Variants in INTS3 observed in about 807,000 individuals in gnomAD.
INTS3 encodes the protein integrator complex subunit 3.
In INTS3, 34 loss-of-function variants were observed where a neutral mutation model predicts 146.3. That is an observed-to-expected ratio of 0.23 (90% confidence interval 0.18 to 0.31). INTS3 has a LOEUF of 0.31. Among genes scored for constraint, INTS3 ranks in the 10% least tolerant of loss-of-function variants. The probability of loss-of-function intolerance (pLI) is 1.00; values close to 1 mark genes in which losing one functional copy is unlikely to be tolerated. For synonymous variants in INTS3, 475 were observed against 494.9 expected, an observed-to-expected ratio of 0.96 and a Z score of 0.53; for missense variants, 757 against 1,304.2, an observed-to-expected ratio of 0.58 and a Z score of 6.46.
intron 1 of INTS3, among the ~76,000 whole-genome samples, chr1:153,730,387 C>T (rs1489492055): frequency 6.6e-6 from 1 of 152,166 alleles, no homozygotes; most frequent in Non-Finnish European, 1.5e-5. Flanking sequence ...TGGCCACTGT[C>T]ATTGTCAAAA....
At chr1:153,743,205 G>A (rs940238456) in intron 3 of INTS3, among the ~76,000 whole-genome samples, 4 of 152,200 alleles carry the variant, frequency 2.6e-5, no homozygotes, top group African/African-American at 9.7e-5. Context: ...GATGAGGACT[G>A]ATTGTAATGC....
intron 1 of INTS3, among the ~76,000 whole-genome samples, chr1:153,735,437 A>C (rs1283685955): frequency 1.3e-5 from 2 of 152,082 alleles, no homozygotes; most frequent in African/African-American, 4.8e-5. Flanking sequence ...GCAAGTGTGG[A>C]GGGTTCTTTC....
chr1:153,750,347 C>T (rs1671912289), intron 6 of INTS3, among the ~76,000 whole-genome samples: 1 of 152,230 alleles, frequency 6.6e-6, no homozygotes, highest in African/African-American at 2.4e-5. Context: ...CTCTCTACTC[C>T]TTTTAAAGCA....
At chr1:153,765,597 TCTCA>T (rs1672549079) in intron 20 of INTS3, among the ~76,000 whole-genome samples, 1 of 151,838 alleles carries the variant, frequency 6.6e-6, no homozygotes, top group Non-Finnish European at 1.5e-5. Flanking sequence ...TGAGACAGGG[TCTCA>T]CTCAGTCACC....
intron 1 of INTS3, among the ~76,000 whole-genome samples, chr1:153,731,901 CTTTTTTTTTTTT>C (rs34353204): frequency 1.1e-4 from 7 of 65,282 alleles, no homozygotes; most frequent in East Asian, 5.2e-4. Context: ...CTTTTTTTAA[CTTTTTTTTTTTT>C]TTTTTTTTTT....
chr1:153,746,456 A>G (rs1263122778), intron 3 of INTS3, among the ~76,000 whole-genome samples: 1 of 151,132 alleles, frequency 6.6e-6, no homozygotes, highest in Non-Finnish European at 1.5e-5. Context: ...GCTAGAGTGC[A>G]GTGGCGCGAT....
chr1:153,769,867 G>C (rs139957354), intron 23 of INTS3, 23 bp downstream of exon 23: 1 of 1,519,460 alleles, frequency 6.6e-7, no homozygotes, highest in Non-Finnish European at 9.1e-7. Flanking sequence ...ATCTTTAGGT[G>C]CCTGGGAGAG....
At chr1:153,740,240 C>T (rs1011481327) in intron 1 of INTS3, among the ~76,000 whole-genome samples, 11 of 152,072 alleles carry the variant, frequency 7.2e-5, no homozygotes, top group African/African-American at 2.2e-4. Context: ...GCTGGGATTA[C>T]AGGTATGTGC....
At chr1:153,759,242 A>G (rs1263435182) in intron 10 of INTS3, among the ~76,000 whole-genome samples, 1 of 150,630 alleles carries the variant, frequency 6.6e-6, no homozygotes, top group Non-Finnish European at 1.5e-5. Flanking sequence ...CCACTGCACT[A>G]CAGCCTGGGC....
chr1:153,760,668 C>A, intron 12 of INTS3, 159 bp from the exon 13 acceptor site: 1 of 668,962 alleles, frequency 1.5e-6, no homozygotes, highest in Non-Finnish European at 2.6e-6. Flanking sequence ...AAGAATTTCT[C>A]ATTTGAGTGG....
At chr1:153,735,236 C>T (rs920156553) in intron 1 of INTS3, among the ~76,000 whole-genome samples, 8 of 152,138 alleles carry the variant, frequency 5.3e-5, no homozygotes, top group Non-Finnish European at 5.9e-5. Context: ...CCTCCCAAAG[C>T]GCTGAGATTA....
At chr1:153,764,815 A>G in intron 19 of INTS3, 81 bp downstream of exon 19, 3 of 1,521,918 alleles carry the variant, frequency 2.0e-6, no homozygotes, top group Non-Finnish European at 1.8e-6. Flanking sequence ...TCCTGGGGTA[A>G]TGGGACTCGC....
At chr1:153,760,693 G>A in intron 12 of INTS3, 134 bp from the exon 13 acceptor site, 1 of 759,040 alleles carries the variant, frequency 1.3e-6, no homozygotes, top group African/African-American at 1.7e-5. Flanking sequence ...GAGTGGTCAG[G>A]AAGTCCAGTT....
chr1:153,762,366 C>T (rs1203312070), intron 14 of INTS3, among the ~76,000 whole-genome samples: 1 of 152,200 alleles, frequency 6.6e-6, no homozygotes, highest in African/African-American at 2.4e-5. Context: ...ATTACGTGAA[C>T]CTGGGACGGG....
At chr1:153,752,679 C>T (rs1325869812) in intron 8 of INTS3, among the ~76,000 whole-genome samples, 1 of 152,196 alleles carries the variant, frequency 6.6e-6, no homozygotes. Context: ...AGTCCTCCTC[C>T]CCTCTTCCTG....
Position 153,765,040 on chromosome 1 carries a change from C to T in INTS3, c.2067C>T (p.His689=), listed in dbSNP as rs774419920. The change falls in exon 20 of 30, where the codon CAC becomes CAT. Residue 689 remains histidine (H), a synonymous_variant. Coordinates refer to ENST00000318967, the MANE Select transcript of INTS3 (RefSeq NM_023015.5). ...AGAAGCAGCCCAAGATTGGCTACCA[C>T]CTGCTCTACTACCTGAGGGCCAGGT... ...LYQKQPKIGY[H]LLYYLRASKA... The T allele has an allele frequency of 4.3e-6, 7 of 1,614,160 alleles. No individual in the cohort carries two copies. In the South Asian group the frequency reaches 7.7e-5, roughly 18 times the overall value.
At position 153,756,166 on chromosome 1, in the gene INTS3, A is replaced by G. The variant is rs150676131; in HGVS notation, c.958-1406A>G. On this transcript the variant is annotated intron_variant, in intron 9 of 29. Transcript: ENST00000318967. ...GAGGCTGGTGGGAACACTTGAGGTC[A>G]GGAGTTCAAGACTAGCCGGGCAACA... Among the ~76,000 whole-genome samples the G allele has an allele frequency of 2.8e-3, 424 of 152,196 alleles. 1 individual carries two copies. The highest frequency in any genetic ancestry group is 5.2e-3 in the Non-Finnish European group (352 of 68,008).
At chr1:153,762,137 A>G (rs1328062531) in intron 14 of INTS3, among the ~76,000 whole-genome samples, 1 of 152,284 alleles carries the variant, frequency 6.6e-6, no homozygotes, top group East Asian at 1.9e-4. Flanking sequence ...AGTATTTTCC[A>G]ACTTGGTTTT....
intron 13 of INTS3, chr1:153,761,303 G>A (rs1398669157): frequency 4.1e-6 from 2 of 490,028 alleles, no homozygotes; most frequent in East Asian, 7.3e-5. Context: ...CTGAGGTTAG[G>A]AATTTGAGAC....
Sources: allele counts gnomAD v4.1 joint callset (sites outside exome capture counted in the v4.1 genomes callset), GRCh38; gene constraint gnomAD v4.1.1; transcripts MANE v1.5; gene names NCBI Gene and HGNC (gene_info 2026-07-23, HGNC 2026-07-21).